Variants in DNAH12 observed in about 807,000 individuals in gnomAD.
DNAH12 encodes axonemal beta dynein heavy chain 12.
DNAH12 carries 285 observed loss-of-function variants against 371.5 expected under a neutral mutation model. That is an observed-to-expected ratio of 0.77 (90% CI 0.70 to 0.85). DNAH12 has a LOEUF of 0.85. Ranked by LOEUF, DNAH12 falls within the 40% of genes least tolerant of loss-of-function variation. The probability of loss-of-function intolerance (pLI) is 0.00; values close to 1 mark genes in which losing one functional copy is unlikely to be tolerated. For missense variants in DNAH12, 3,611 were observed against 3,689.4 expected, an observed-to-expected ratio of 0.98 and a Z score of 0.55; for synonymous variants, 1,200 against 1,213.0, an observed-to-expected ratio of 0.99 and a Z score of 0.22.
chr3:57,542,802 A>T lies in DNAH12; in HGVS notation c.69T>A (p.Ile23=). Residue 23 remains isoleucine, a synonymous_variant, in exon 2 of 74, where the codon ATT becomes ATA. Coordinates refer to ENST00000495027, the MANE Select transcript of DNAH12 (RefSeq NM_001366028.2). ...CGCCTATGTTTTCTGGGAGATGGAC[A>T]ATGGGGGGTAACTTCAAGTTCAGAG... The part of the protein sequence containing the change: ...KEALNLKLPP[I]VHLPENIGVD... The T allele has an allele frequency of 6.2e-7, 1 of 1,609,676 alleles. No homozygotes were observed. Among genetic ancestry groups the T allele is most frequent in the South Asian group, 1.1e-5 (1 of 89,960 alleles).
At chr3:57,429,595 T>C in intron 33 of DNAH12, 96 bp downstream of exon 33, 1 of 1,141,416 alleles carries the variant, frequency 8.8e-7, no homozygotes, top group Non-Finnish European at 1.2e-6. Context: ...TCCTAGTGCC[T>C]AACCCATTTT....
upstream of DNAH12, among the ~76,000 whole-genome samples, chr3:57,549,238 A>G (rs1327364799): frequency 2.6e-5 from 4 of 151,974 alleles, no homozygotes; most frequent in East Asian, 7.7e-4. Flanking sequence ...TAATCAGGCC[A>G]GGTGCAGTGG....
In DNAH12 at chr3:57,314,723, G is replaced by A. The variant is rs541980384; in HGVS notation, c.10525-92C>T. 131 of 1,331,964 alleles carry A rather than the reference G, an allele frequency of 9.8e-5. 2 individuals are homozygous for A. In the South Asian group the frequency reaches 1.9e-3, roughly 20 times the overall value. The allele number at this position is 1,331,964 out of a possible 1,614,324, so 82.5% of individuals were successfully genotyped here. A position where few individuals can be genotyped will look rare whatever the true frequency, so the allele number is the denominator to read the frequency against. On this transcript the variant is annotated intron_variant, in intron 65 of 73. Transcript: ENST00000495027. Reference sequence around the variant, plus strand: ...AATAGATAAATGATCTTTCTCACAAGATTCTGTGATCACGTATCTCTACAA... The same window carrying A: ...AATAGATAAATGATCTTTCTCACAAAATTCTGTGATCACGTATCTCTACAA...
chr3:57,468,818 T>C lies in DNAH12; in HGVS notation c.2267A>G (p.Glu756Gly). ...RKAARKRSLE[E>G]EKIEEEPKDN... ...TTTTGGTTCTTCTTCAATTTTCTCT[T>C]CTTCCAAAGACCGTTTTCTTGCTGC... Residue 756 changes from glutamate (E) to glycine (G), a missense_variant, in exon 17 of 74, where the codon GAA becomes GGA. Glu to Gly is a moderately conservative substitution (Grantham distance 98). Transcript: ENST00000495027. 1 of 1,536,356 alleles carries C rather than the reference T, an allele frequency of 6.5e-7. No individual in the cohort carries two copies. The highest frequency in any genetic ancestry group is 8.7e-7 in the Non-Finnish European group (1 of 1,143,578).
At chr3:57,346,167 T>C (rs2062537555) in intron 60 of DNAH12, among the ~76,000 whole-genome samples, 2 of 152,112 alleles carry the variant, frequency 1.3e-5, no homozygotes, top group South Asian at 2.1e-4. Flanking sequence ...AAAAAATACA[T>C]ACAATTATTA....
At chr3:57,389,822 G>GTGTGTTTATATATATATATATATATATA (rs1326306277) in intron 45 of DNAH12, among the ~76,000 whole-genome samples, 1 of 45,816 alleles carries the variant, frequency 2.2e-5, no homozygotes, top group Non-Finnish European at 7.1e-5. Flanking sequence ...GTGTGTGTGT[G>GTGTGTTTATATATATATATATATATATA]TATATATATA....
chr3:57,529,725 A>C (rs915613839), intron 2 of DNAH12, among the ~76,000 whole-genome samples: 6 of 151,842 alleles, frequency 4.0e-5, no homozygotes, highest in African/African-American at 1.5e-4. Context: ...TCTTCATTCC[A>C]ATGTCATTTA....
chr3:57,386,946 G>C (rs996589690), intron 46 of DNAH12, 140 bp downstream of exon 46: 6 of 152,224 alleles, frequency 3.9e-5, no homozygotes, highest in Non-Finnish European at 8.8e-5. Flanking sequence ...AACTTGGTAA[G>C]AGACCCAAGA....
intron 2 of DNAH12, 60 bp from the exon 3 acceptor site, chr3:57,523,944 A>G (rs948033046): frequency 3.2e-6 from 4 of 1,244,356 alleles, no homozygotes; most frequent in African/African-American, 1.5e-5. Flanking sequence ...TTACTAAAAC[A>G]TTACAATTTA....
At chr3:57,454,165 C>T (rs1386428470) in intron 23 of DNAH12, among the ~76,000 whole-genome samples, 1 of 151,932 alleles carries the variant, frequency 6.6e-6, no homozygotes, top group Non-Finnish European at 1.5e-5. Context: ...GTGATTTTGT[C>T]TAAGCCCAGT....
At chr3:57,483,719 G>C (rs1380293971) in intron 12 of DNAH12, among the ~76,000 whole-genome samples, 1 of 151,874 alleles carries the variant, frequency 6.6e-6, no homozygotes, top group Non-Finnish European at 1.5e-5. Context: ...GCCAAGGCAG[G>C]CAGATCACTT....
intron 71 of DNAH12, 71 bp downstream of exon 71, chr3:57,296,776 A>G (rs1330359231): frequency 1.3e-6 from 2 of 1,491,668 alleles, no homozygotes; most frequent in Middle Eastern, 2.0e-4. Flanking sequence ...AATGGGTTAC[A>G]ATACATAAAC....
chr3:57,322,036 A>C (rs1287508330), intron 65 of DNAH12, among the ~76,000 whole-genome samples: 1 of 152,194 alleles, frequency 6.6e-6, no homozygotes, highest in East Asian at 1.9e-4. Flanking sequence ...AAAAGAATCA[A>C]CAATGGGAAA....
intron 1 of DNAH12, among the ~76,000 whole-genome samples, chr3:57,543,321 T>G (rs933248629): frequency 4.4e-5 from 6 of 136,236 alleles, no homozygotes; most frequent in Non-Finnish European, 9.4e-5. Flanking sequence ...AATGGTTTTT[T>G]TTTTTTTTTT....
chr3:57,454,070 T>C (rs954136754), intron 23 of DNAH12, among the ~76,000 whole-genome samples: 1 of 152,040 alleles, frequency 6.6e-6, no homozygotes, highest in African/African-American at 2.4e-5. Context: ...GACTACGCCA[T>C]TGCACTCCAG....
chr3:57,310,318 GCAT>G (rs978160451), intron 67 of DNAH12, among the ~76,000 whole-genome samples: 1 of 152,072 alleles, frequency 6.6e-6, no homozygotes, highest in African/African-American at 2.4e-5. Context: ...AAGTACAACT[GCAT>G]CGTTTGGTTT....
intron 58 of DNAH12, among the ~76,000 whole-genome samples, chr3:57,359,973 G>T (rs1252491085): frequency 6.6e-6 from 1 of 152,044 alleles, no homozygotes; most frequent in Non-Finnish European, 1.5e-5. Context: ...ATGATCAGTG[G>T]GATCCAGTCA....
intron 25 of DNAH12, among the ~76,000 whole-genome samples, chr3:57,447,300 T>C (rs998347162): frequency 2.1e-4 from 32 of 152,232 alleles, no homozygotes; most frequent in African/African-American, 7.0e-4. Context: ...AAGTGCTTAA[T>C]GACAATATCA....
upstream of DNAH12, among the ~76,000 whole-genome samples, chr3:57,545,983 G>T (rs1042264781): frequency 3.3e-5 from 5 of 152,170 alleles, no homozygotes; most frequent in African/African-American, 1.2e-4. Context: ...TATTTGGATT[G>T]TAAGTCCGGC....
Sources: gnomAD v4.1 joint callset for allele counts (sites outside exome capture counted in the v4.1 genomes callset) on GRCh38, gnomAD v4.1.1 for gene constraint, MANE v1.5 for transcripts, NCBI Gene and HGNC (gene_info 2026-07-23, HGNC 2026-07-21) for gene names.